CTNNA3: variants seen among roughly 807,000 people sequenced by gnomAD.
CTNNA3 encodes the protein catenin alpha-3.
A neutral mutation model predicts 95.7 loss-of-function variants in CTNNA3; 76 were observed. That is an observed-to-expected ratio of 0.79 (90% confidence interval 0.66 to 0.96). The LOEUF (loss-of-function observed/expected upper bound fraction) is 0.96. Among genes scored for constraint, CTNNA3 ranks in the 40% least tolerant of loss-of-function variants. The pLI is 0.00. For missense variants in CTNNA3, 1,191 were observed against 1,089.8 expected, an observed-to-expected ratio of 1.09 and a Z score of -1.31; for synonymous variants, 431 against 374.4, an observed-to-expected ratio of 1.15 and a Z score of -1.74.
chr10:65,990,486 T>C (rs910276281), intron 15 of CTNNA3, among the ~76,000 whole-genome samples: 5 of 151,464 alleles, frequency 3.3e-5, no homozygotes, highest in Admixed American at 2.0e-4. Context: ...TAATTAGTGA[T>C]GTTGAGCATG....
At chr10:66,747,462 T>G (rs1469613900) in intron 9 of CTNNA3, among the ~76,000 whole-genome samples, 1 of 152,204 alleles carries the variant, frequency 6.6e-6, no homozygotes, top group African/African-American at 2.4e-5. Flanking sequence ...TCTCACTGCA[T>G]CACTACAATC....
intron 12 of CTNNA3, among the ~76,000 whole-genome samples, chr10:66,346,260 GAGAGAGAGAGAGAGAGAGAGAGAGAGAA>G (rs1158850744): frequency 3.2e-4 from 26 of 81,788 alleles, no homozygotes; most frequent in African/African-American, 1.2e-3. Flanking sequence ...GAGAGAGAGA[GAGAGAGAGAGAGAGAGAGAGAGAGAGAA>G]AGAGAGACAG....
intron 12 of CTNNA3, among the ~76,000 whole-genome samples, chr10:66,331,992 A>G (rs1188363533): frequency 6.6e-6 from 1 of 151,726 alleles, no homozygotes; most frequent in Non-Finnish European, 1.5e-5. Context: ...TAGGTATTTT[A>G]TTCTCTTTGA....
At chr10:67,359,824 A>T (rs74142501) in intron 5 of CTNNA3, among the ~76,000 whole-genome samples, 2,705 of 152,202 alleles carry the variant, frequency 0.018, 86 homozygotes, top group African/African-American at 0.06. Flanking sequence ...TAGAGAAGTC[A>T]ACATGCAATC....
intron 10 of CTNNA3, among the ~76,000 whole-genome samples, chr10:66,544,554 A>G (rs1444890114): frequency 6.6e-6 from 1 of 152,156 alleles, no homozygotes; most frequent in Non-Finnish European, 1.5e-5. Context: ...CTGTGTTTTT[A>G]GTAATATATC....
At chr10:66,619,718 T>C (rs1349647411) in intron 10 of CTNNA3, among the ~76,000 whole-genome samples, 6 of 149,880 alleles carry the variant, frequency 4.0e-5, no homozygotes, top group Admixed American at 1.3e-4. Flanking sequence ...ATAATAATAA[T>C]AAAAACATAA....
rs59585958 is a variant in CTNNA3, at chr10:66,199,765, CTATATATATATATATATATATA to C, written c.1884+80683_1884+80704del. On this transcript the variant is annotated intron_variant, in intron 13 of 17. Transcript: ENST00000433211. ...TACAGGCGTGTGCCACCACGCCTGG[CTATATATATATATATATATATA>C]TATATATATATATATATATTTTTTT... Among the ~76,000 whole-genome samples, 63 of 30,722 alleles carry C rather than the reference CTATATATATATATATATATATA, an allele frequency of 2.1e-3. 2 individuals carry two copies. Among genetic ancestry groups the C allele is most frequent in the African/African-American group, 9.5e-3 (54 of 5,696 alleles). 20.2% of individuals were successfully genotyped at this position (30,722 alleles called of 152,430 possible). A position where few individuals can be genotyped will look rare whatever the true frequency, so the allele number is the denominator to read the frequency against.
chr10:66,007,935 CAGGATGTATT>C (rs909041370), intron 15 of CTNNA3, among the ~76,000 whole-genome samples: 19 of 151,822 alleles, frequency 1.3e-4, no homozygotes, highest in African/African-American at 4.4e-4. Flanking sequence ...GTCACAGTGC[CAGGATGTATT>C]AGGCCACAGC....
At chr10:66,107,230 G>A (rs527359881) in intron 13 of CTNNA3, among the ~76,000 whole-genome samples, 1 of 152,238 alleles carries the variant, frequency 6.6e-6, no homozygotes, top group Admixed American at 6.5e-5. Context: ...TCTCATATCA[G>A]AATTGTGGAG....
At chr10:67,628,047 A>G (rs1206174631) in intron 2 of CTNNA3, among the ~76,000 whole-genome samples, 1 of 151,082 alleles carries the variant, frequency 6.6e-6, no homozygotes, top group African/African-American at 2.4e-5. Flanking sequence ...TGAGAAAGAG[A>G]GAATTTCAAA....
At chr10:67,690,183 T>G (rs1176924346) in intron 1 of CTNNA3, among the ~76,000 whole-genome samples, 1 of 152,176 alleles carries the variant, frequency 6.6e-6, no homozygotes, top group Non-Finnish European at 1.5e-5. Flanking sequence ...ACAGTGAGTG[T>G]TACGGCTCTT....
rs34841308 is a variant in CTNNA3, at chr10:66,825,283, AT to A, written c.1048-49760del. Among the ~76,000 whole-genome samples the A allele has an allele frequency of 7.4e-4, 101 of 137,258 alleles. 1 individual carries two copies. Among genetic ancestry groups the A allele is most frequent in the East Asian group, 1.9e-3 (8 of 4,148 alleles). The allele number at this position is 137,258 out of a possible 152,430, so 90.0% of individuals were successfully genotyped here. ...AATGTATATATACATATATATATAT[AT>A]TTTTTTTTTGAGATGGAGTCGTGCT... is the stretch of plus-strand genomic sequence containing the variant. On this transcript the variant is annotated intron_variant, in intron 7 of 17. Transcript: ENST00000433211.
At chr10:67,387,795 A>G (rs1844255318) in intron 5 of CTNNA3, among the ~76,000 whole-genome samples, 1 of 152,218 alleles carries the variant, frequency 6.6e-6, no homozygotes, top group African/African-American at 2.4e-5. Flanking sequence ...CTCCAGCAGG[A>G]GCACACTGAC....
chr10:66,423,579 C>A (rs1276714099), intron 11 of CTNNA3, among the ~76,000 whole-genome samples: 7 of 152,100 alleles, frequency 4.6e-5, no homozygotes, highest in African/African-American at 9.7e-5. Context: ...CCTCCCAAAC[C>A]AGAGACATGC....
chr10:67,754,440 A>G (rs1420293459), intron 1 of CTNNA3, among the ~76,000 whole-genome samples: 1 of 152,208 alleles, frequency 6.6e-6, no homozygotes, highest in Non-Finnish European at 1.5e-5. Flanking sequence ...CACATCATGC[A>G]AATGTATCCC....
intron 5 of CTNNA3, among the ~76,000 whole-genome samples, chr10:67,508,055 C>G (rs932972481): frequency 6.6e-6 from 1 of 151,882 alleles, no homozygotes; most frequent in Non-Finnish European, 1.5e-5. Flanking sequence ...GCTCTATCAC[C>G]CAGGCTGGAG....
chr10:67,099,996 AT>A (rs1398343561), intron 7 of CTNNA3, among the ~76,000 whole-genome samples: 1 of 151,786 alleles, frequency 6.6e-6, no homozygotes, highest in Non-Finnish European at 1.5e-5. Context: ...AAGTTTTCTC[AT>A]TAGAAGTTAT....
chr10:67,270,993 A>G (rs547064872), intron 5 of CTNNA3, among the ~76,000 whole-genome samples: 1 of 152,278 alleles, frequency 6.6e-6, no homozygotes, highest in African/African-American at 2.4e-5. Flanking sequence ...ACAAAAACCA[A>G]TTGGTGTTAC....
intron 13 of CTNNA3, among the ~76,000 whole-genome samples, chr10:66,247,003 C>T (rs56308515): frequency 0.23 from 32,376 of 142,858 alleles, 3,609 homozygotes; most frequent in Admixed American, 0.29. Context: ...TGAGCCAAGA[C>T]TGTGCCAGTG....
Sources: allele counts gnomAD v4.1 joint callset (sites outside exome capture counted in the v4.1 genomes callset), GRCh38; gene constraint gnomAD v4.1.1; transcripts MANE v1.5; gene names NCBI Gene and HGNC (gene_info 2026-07-23, HGNC 2026-07-21).